Variants in FGD5 observed in about 807,000 individuals in gnomAD.
FGD5 encodes FYVE, RhoGEF and PH domain containing 5.
In FGD5, 28 loss-of-function variants were observed where a neutral mutation model predicts 133.4. The observed-to-expected ratio is 0.21, with a 90% CI of 0.16 to 0.29. The LOEUF (loss-of-function observed/expected upper bound fraction) is 0.29. Ranked by LOEUF, FGD5 falls within the 10% of genes least tolerant of loss-of-function variation. The pLI is 1.00. For synonymous variants in FGD5, 810 were observed against 776.5 expected, an observed-to-expected ratio of 1.04 and a Z score of -0.72; for missense variants, 1,858 against 1,895.2, an observed-to-expected ratio of 0.98 and a Z score of 0.36.
chr3:14,932,832 C>A, intron 19 of FGD5, 101 bp downstream of exon 19: 1 of 1,348,732 alleles, frequency 7.4e-7, no homozygotes, highest in Non-Finnish European at 1.0e-6. Flanking sequence ...TTCATCCTAT[C>A]CCATTAGGTC....
intron 1 of FGD5, among the ~76,000 whole-genome samples, chr3:14,839,320 T>A (rs2036872724): frequency 6.6e-6 from 1 of 152,136 alleles, no homozygotes. Context: ...ATGTGAAGGG[T>A]GTTTCGTAGA....
At position 14,821,589 on chromosome 3, in the gene FGD5, G is replaced by A. The variant is rs141963627; in HGVS notation, c.2518G>A (p.Ala840Thr). 6.5e-4 allele frequency: 1,027 copies of A among 1,589,062 alleles called. 11 individuals are homozygous for A. The African/African-American group carries it at 0.013, about 20-fold the overall frequency. ...ESKQQSADQDAESAYTEPYKV... is the reference protein window; with the variant it reads ...ESKQQSADQDTESAYTEPYKV... ...CAAACAGCAGAGTGCAGACCAGGAC[G>A]CAGAAAGGTACCTGACATTCTATTT... The change falls in exon 1 of 20, where the codon GCA (alanine) becomes ACA (threonine). Residue 840 changes from alanine to threonine, a missense_variant. Transcript: ENST00000285046.
chr3:14,923,072 C>G lies in FGD5; in HGVS notation c.3834C>G (p.Asn1278Lys). The G allele has an allele frequency of 6.2e-7, 1 of 1,613,896 alleles. No homozygotes were observed. The highest frequency in any genetic ancestry group is 1.7e-4 in the Middle Eastern group (1 of 6,060). The change falls in exon 16 of 20, where the codon AAC becomes AAG. Residue 1278 changes from asparagine (N) to lysine (K), a missense_variant. This residue lies in a region of FGD5 where 1,824 missense variants were observed against 1,848.9 expected (regional missense o/e 0.99). Transcript: ENST00000285046. ...TCGTGTGCCGGAACTGTTCGCGGAA[C>G]AAGTACCCGCTGAAGTACCTGAAGG... ...GKIVCRNCSRNKYPLKYLKDR... is the reference protein window; with the variant it reads ...GKIVCRNCSRKKYPLKYLKDR...
rs559591080 is a variant in FGD5 at position 14,819,018 on chromosome 3, G to A, written c.-54G>A. 2.1e-5 allele frequency: 31 copies of A among 1,486,962 alleles called. No individual in the cohort carries two copies. The highest frequency in any genetic ancestry group is 1.5e-4 in the East Asian group (6 of 39,836). 92.1% of individuals were successfully genotyped at this position (1,486,962 alleles called of 1,614,324 possible). The stretch of plus-strand genomic sequence containing the variant: ...TACCAGTCCACTGACGCCAGTGACC[G>A]CGCCCAAATTCCCTTCCTCAGCCAG... On this transcript the variant is annotated 5_prime_UTR_variant, in exon 1 of 20. Coordinates refer to ENST00000285046, the MANE Select transcript of FGD5 (RefSeq NM_152536.4). The surrounding 1 kb of genome is among the most constrained non-coding windows in gnomAD (Gnocchi z 4.1).
chr3:14,864,711 C>A (rs2037462111), intron 2 of FGD5, among the ~76,000 whole-genome samples: 1 of 152,194 alleles, frequency 6.6e-6, no homozygotes. Flanking sequence ...GGCCCTGCAG[C>A]AGTGCTGTGA....
intron 1 of FGD5, among the ~76,000 whole-genome samples, chr3:14,843,385 C>T (rs944381083): frequency 2.0e-5 from 3 of 152,280 alleles, no homozygotes; most frequent in South Asian, 2.1e-4. Context: ...GTCAGATGCC[C>T]TTGCTGCCAT....
rs1395339379 is a variant in FGD5 at position 14,819,356 on chromosome 3, TGCGGAA to T, written c.287_292del (p.Ala96_Glu97del). ...AAGCCCTGGTGTCTCCCGAGTCCTC[TGCGGAA>T]GAGGAAGAGGAGCGTGAAGAGGGAG... On this transcript the variant is annotated inframe_deletion, in exon 1 of 20. Coordinates refer to ENST00000285046, the MANE Select transcript of FGD5 (RefSeq NM_152536.4). The surrounding 1 kb of genome is among the most constrained non-coding windows in gnomAD (Gnocchi z 4.1). 2.6e-6 allele frequency: 4 copies of T among 1,547,640 alleles called. No individual in the cohort carries two copies. The East Asian group carries it at 9.8e-5, about 38-fold the overall frequency.
chr3:14,913,131 A>C (rs929101180), intron 11 of FGD5, among the ~76,000 whole-genome samples: 1 of 152,096 alleles, frequency 6.6e-6, no homozygotes, highest in African/African-American at 2.4e-5. Context: ...TCCATGGTAC[A>C]CTTACTACTT....
intron 1 of FGD5, among the ~76,000 whole-genome samples, chr3:14,824,422 GTTCC>G (rs2036564922): frequency 6.6e-6 from 1 of 152,320 alleles, no homozygotes; most frequent in East Asian, 1.9e-4. Context: ...TGGGGAGGCA[GTTCC>G]TTCCTCCGCC....
chr3:14,832,136 T>C (rs954112139), intron 1 of FGD5, among the ~76,000 whole-genome samples: 10 of 152,138 alleles, frequency 6.6e-5, no homozygotes, highest in African/African-American at 2.2e-4. Flanking sequence ...GTGGCGACGG[T>C]CTCTTCATCA....
At position 14,819,512 on chromosome 3, in the gene FGD5, G is replaced by A. The variant is rs550401180; in HGVS notation, c.441G>A (p.Gly147=). ...EGTDLALEDE[G]EGCADEPGTL... is the part of the protein sequence containing the mutation. ...CAGACCTTGCTCTTGAGGATGAAGG[G>A]GAGGGCTGCGCTGATGAGCCAGGGA... Residue 147 remains glycine (G), a synonymous_variant, in exon 1 of 20, where the codon GGG becomes GGA. Transcript: ENST00000285046. This position sits in a 1 kb window ranked among gnomAD's most constrained non-coding sequence, Gnocchi z 4.1. 2.0e-5 allele frequency: 31 copies of A among 1,551,468 alleles called. No homozygotes were observed. The South Asian group carries it at 3.5e-4, about 17-fold the overall frequency.
intron 4 of FGD5, among the ~76,000 whole-genome samples, chr3:14,882,986 G>T (rs1335226390): frequency 6.6e-6 from 1 of 152,196 alleles, no homozygotes; most frequent in African/African-American, 2.4e-5. Context: ...CCAGTGATGA[G>T]GAGGAGCTGA....
At chr3:14,835,563 C>T (rs754346340) in intron 1 of FGD5, among the ~76,000 whole-genome samples, 3 of 151,998 alleles carry the variant, frequency 2.0e-5, no homozygotes, top group Non-Finnish European at 2.9e-5. Context: ...CTCAGGAGGT[C>T]GTGAAACCTT....
intron 2 of FGD5, among the ~76,000 whole-genome samples, chr3:14,870,130 GGCATGAGGGAGCCC>G: frequency 7.7e-5 from 1 of 12,992 alleles, no homozygotes; most frequent in African/African-American, 4.8e-4. Context: ...GGAACGGAAT[GGCATGAGGGAGCCC>G]GAATGGCATG....
intron 1 of FGD5, among the ~76,000 whole-genome samples, chr3:14,845,289 A>G (rs1389300): frequency 0.66 from 100,447 of 152,060 alleles, 33,504 homozygotes; most frequent in African/African-American, 0.74. Context: ...CTTGCTGGCC[A>G]CATCGACCCC....
intron 1 of FGD5, among the ~76,000 whole-genome samples, chr3:14,825,105 C>A (rs576090264): frequency 2.0e-5 from 3 of 152,292 alleles, no homozygotes; most frequent in Admixed American, 6.5e-5. Flanking sequence ...GAGCCCTTAG[C>A]GACCCTGAAA....
upstream of FGD5, chr3:14,818,834 G>T (rs1306165184): frequency 7.4e-6 from 8 of 1,081,848 alleles, no homozygotes; most frequent in East Asian, 2.6e-4. Flanking sequence ...AGCACGGGAG[G>T]TGGGCTTCAC....
chr3:14,897,416 G>T (rs2038157901), intron 4 of FGD5, 93 bp from the exon 5 acceptor site: 1 of 1,445,416 alleles, frequency 6.9e-7, no homozygotes, highest in Admixed American at 2.2e-5. Context: ...TCTTCACAGA[G>T]GCCAGGGCTC....
rs1303571738 is a variant in FGD5, at chr3:14,907,691, G to A, written c.3316G>A (p.Asp1106Asn). The stretch of plus-strand genomic sequence containing the variant: ...TGAGCACAGCGTCCGGGGCCAAGGG[G>A]ATCTCCTCCAGCCAGGAAGGGTGAG... The part of the protein sequence containing the change: ...HIEHSVRGQG[D>N]LLQPGREFLK... Residue 1106 changes from aspartate (D) to asparagine (N), a missense_variant, in exon 10 of 20, where the codon GAT becomes AAT. Around this residue, in one of 3 missense-constraint regions of FGD5, gnomAD observed 1,824 missense variants for 1,848.9 expected, o/e 0.99. Transcript: ENST00000285046. The A allele has an allele frequency of 3.7e-6, 6 of 1,613,740 alleles. No individual in the cohort carries two copies. The South Asian group carries it at 5.5e-5, about 15-fold the overall frequency.
Sources: gnomAD v4.1 joint callset for allele counts (sites outside exome capture counted in the v4.1 genomes callset) on GRCh38, gnomAD v4.1.1 for gene constraint, gnomAD v4.1.1 regional missense constraint, Gnocchi (gnomAD v3.1) non-coding constraint, MANE v1.5 for transcripts, NCBI Gene and HGNC (gene_info 2026-07-23, HGNC 2026-07-21) for gene names.